DNAH6: variants seen among roughly 807,000 people sequenced by gnomAD.
DNAH6 encodes dynein axonemal heavy chain 6.
DNAH6 carries 340 observed loss-of-function variants against 491.4 expected under a neutral mutation model. The ratio of observed to expected loss-of-function variants is 0.69; its 90% confidence interval spans 0.63 to 0.76. The LOEUF is 0.76. Among genes scored for constraint, DNAH6 ranks in the 30% least tolerant of loss-of-function variants. The probability of loss-of-function intolerance (pLI) is 0.00; values close to 1 mark genes in which losing one functional copy is unlikely to be tolerated. For missense variants in DNAH6, 4,443 were observed against 4,972.2 expected (o/e 0.89, Z 3.20); for synonymous variants, 1,603 against 1,686.1 (o/e 0.95, Z 1.21).
chr2:84,636,465 A>G (rs1688885781), intron 30 of DNAH6, among the ~76,000 whole-genome samples: 1 of 152,142 alleles, frequency 6.6e-6, no homozygotes. Context: ...CATGGTTTCC[A>G]GGTTGATTGC....
Position 84,579,511 on chromosome 2 carries a change from G to T in DNAH6, c.2077-16G>T. 2 of 1,611,898 alleles carry T rather than the reference G, an allele frequency of 1.2e-6. No individual in the cohort carries two copies. The highest frequency in any genetic ancestry group is 1.1e-5 in the South Asian group (1 of 90,658). On this transcript the variant is annotated splice_polypyrimidine_tract_variant and intron_variant, in intron 13 of 76. Coordinates refer to ENST00000389394, the MANE Select transcript of DNAH6 (RefSeq NM_001370.2). Reference sequence around the variant, plus strand: ...ATATTCGACTATTTACAATTCACACGGTGTTTCTTTCTTAGGTGCTAAATT... The same window carrying T: ...ATATTCGACTATTTACAATTCACACTGTGTTTCTTTCTTAGGTGCTAAATT...
chr2:84,461,901 C>T, the DNAH6 span, among the ~76,000 whole-genome samples: 1 of 152,172 alleles, frequency 6.6e-6, no homozygotes, highest in Non-Finnish European at 1.5e-5. Context: ...CCAAACTTGT[C>T]TTTGAATTCT....
At chr2:84,803,722 T>C (rs1179319016) in intron 70 of DNAH6, among the ~76,000 whole-genome samples, 1 of 152,162 alleles carries the variant, frequency 6.6e-6, no homozygotes, top group Admixed American at 6.5e-5. Flanking sequence ...GTTTAAGTAA[T>C]AATATTAATT....
At chr2:84,761,173 C>A (rs1012296813) in intron 63 of DNAH6, among the ~76,000 whole-genome samples, 3 of 151,984 alleles carry the variant, frequency 2.0e-5, no homozygotes, top group African/African-American at 7.3e-5. Context: ...CTTGCAGCAA[C>A]GTAGATGGCA....
chr2:84,800,409 G>T (rs567305959), intron 70 of DNAH6, among the ~76,000 whole-genome samples: 1 of 152,304 alleles, frequency 6.6e-6, no homozygotes, highest in South Asian at 2.1e-4. Context: ...ATCCTATTCA[G>T]ATTGAAATGT....
intron 13 of DNAH6, 96 bp from the exon 14 acceptor site, chr2:84,579,431 C>A (rs2103995454): frequency 7.3e-7 from 1 of 1,364,768 alleles, no homozygotes; most frequent in East Asian, 2.4e-5. Flanking sequence ...CTTCCAATGC[C>A]TGCTGATTTA....
chr2:84,482,979 CAG>C, the DNAH6 span, among the ~76,000 whole-genome samples: 2 of 149,018 alleles, frequency 1.3e-5, no homozygotes, highest in African/African-American at 2.5e-5. Flanking sequence ...TTTTTTGAGA[CAG>C]AGTCTCACTC....
rs189458610 is a variant in DNAH6, at chr2:84,561,466, A to G, written c.1803+3531A>G. ...GAAAACCTAGGCATTACCATTCAAG[A>G]CATAGGCATGGGCAAAGGACTTCAT... On this transcript the variant is annotated intron_variant, in intron 11 of 76. Coordinates refer to ENST00000389394, the MANE Select transcript of DNAH6 (RefSeq NM_001370.2). Among the ~76,000 whole-genome samples, 130 of 152,354 alleles carry G rather than the reference A, an allele frequency of 8.5e-4. 2 individuals carry two copies. Among genetic ancestry groups the G allele is most frequent in the African/African-American group, 3.0e-3 (123 of 41,586 alleles).
chr2:84,570,439 AG>A (rs1230964825), intron 11 of DNAH6, among the ~76,000 whole-genome samples: 3 of 152,086 alleles, frequency 2.0e-5, no homozygotes, highest in Non-Finnish European at 2.9e-5. Flanking sequence ...GTCTAGCTAA[AG>A]GAATGTAAAT....
upstream of DNAH6, among the ~76,000 whole-genome samples, chr2:84,514,867 TCACA>T (rs58335460): frequency 1.8e-3 from 253 of 139,098 alleles, 1 homozygote; most frequent in East Asian, 9.5e-3. Context: ...TTCACCACAG[TCACA>T]CACACACACA....
the DNAH6 span, among the ~76,000 whole-genome samples, chr2:84,482,574 G>C: frequency 6.6e-6 from 1 of 152,206 alleles, no homozygotes; most frequent in African/African-American, 2.4e-5. Context: ...AAGACAGTCC[G>C]AGGGATCTGT....
At position 84,528,964 on chromosome 2, in the gene DNAH6, A is replaced by G; in HGVS notation, c.460A>G (p.Ile154Val). ...PSPPKLPHTGIGKRGLFGTRS... is the reference protein window; with the variant it reads ...PSPPKLPHTGVGKRGLFGTRS... ...TCCTCCTAAACTGCCACATACTGGTATTGGAAAAAGAGGTCTCTTTGGGAC... is the reference window on the plus strand; with the variant it reads ...TCCTCCTAAACTGCCACATACTGGTGTTGGAAAAAGAGGTCTCTTTGGGAC... The change falls in exon 4 of 77, where the codon ATT becomes GTT. Residue 154 changes from isoleucine (I) to valine (V), a missense_variant. Transcript: ENST00000389394. 6.4e-7 allele frequency: 1 copy of G among 1,550,416 alleles called. No homozygotes were observed. The highest frequency in any genetic ancestry group is 8.7e-7 in the Non-Finnish European group (1 of 1,146,556).
rs2104704064 is a variant in DNAH6, at chr2:84,677,050, A to G, written c.6658A>G (p.Asn2220Asp). The change falls in exon 41 of 77, where the codon AAC becomes GAC. Residue 2220 changes from asparagine to aspartate, a missense_variant. By Grantham distance (23) the Asn-to-Asp change is conservative (BLOSUM62 1). Coordinates refer to ENST00000389394, the MANE Select transcript of DNAH6 (RefSeq NM_001370.2). The part of the protein sequence containing the change: ...SACAPPGGGR[N>D]PVTPRFIRHF... Reference sequence around the variant, plus strand: ...ATGTGCACCTCCAGGCGGTGGCCGCAACCCTGTGACTCCCCGCTTCATCAG... The same window carrying G: ...ATGTGCACCTCCAGGCGGTGGCCGCGACCCTGTGACTCCCCGCTTCATCAG... The G allele has an allele frequency of 6.4e-7, 1 of 1,551,762 alleles. No individual in the cohort carries two copies. The highest frequency in any genetic ancestry group is 1.2e-5 in the South Asian group (1 of 84,064).
At chr2:84,477,883 A>T in the DNAH6 span, among the ~76,000 whole-genome samples, 1 of 152,230 alleles carries the variant, frequency 6.6e-6, no homozygotes, top group African/African-American at 2.4e-5. Flanking sequence ...ACTCTGCCAC[A>T]TGGAAATGGA....
chr2:84,600,961 A>T (rs1685148428), intron 18 of DNAH6, among the ~76,000 whole-genome samples: 1 of 148,264 alleles, frequency 6.7e-6, no homozygotes, highest in Non-Finnish European at 1.5e-5. Context: ...TATAAGGAAT[A>T]ATAACACTAT....
At chr2:84,769,476 C>A (rs547806038) in intron 64 of DNAH6, among the ~76,000 whole-genome samples, 2 of 152,326 alleles carry the variant, frequency 1.3e-5, no homozygotes, top group South Asian at 4.1e-4. Flanking sequence ...AAAGAAAAAG[C>A]AGCTGAATCT....
chr2:84,786,888 A>G (rs1249654887), intron 67 of DNAH6, among the ~76,000 whole-genome samples: 1 of 152,112 alleles, frequency 6.6e-6, no homozygotes, highest in Non-Finnish European at 1.5e-5. Flanking sequence ...AAAATGCTTT[A>G]TTTTATCCTG....
At chr2:84,529,195 C>G in intron 4 of DNAH6, 29 bp downstream of exon 4, 1 of 1,452,436 alleles carries the variant, frequency 6.9e-7, no homozygotes, top group South Asian at 1.3e-5. Context: ...TGCAATTTAA[C>G]ATAAAAATTA....
At position 84,745,671 on chromosome 2, in the gene DNAH6, A is replaced by C. The variant is rs1441795844; in HGVS notation, c.10512+422A>C. On this transcript the variant is annotated intron_variant, in intron 63 of 76. Coordinates refer to ENST00000389394, the MANE Select transcript of DNAH6 (RefSeq NM_001370.2). ...ACAGAGCGAGACACTGTCTCAAAAA[A>C]AAAAAAAAAAAAAGAAACATGGTTC... Among the ~76,000 whole-genome samples, 5 of 149,914 alleles carry C rather than the reference A, an allele frequency of 3.3e-5. No homozygotes were observed. In the East Asian group the frequency reaches 9.7e-4, roughly 29 times the overall value.
Sources: gnomAD v4.1 joint callset for allele counts (sites outside exome capture counted in the v4.1 genomes callset) on GRCh38, gnomAD v4.1.1 for gene constraint, MANE v1.5 for transcripts, NCBI Gene and HGNC (gene_info 2026-07-23, HGNC 2026-07-21) for gene names.